TENM4: variants seen among roughly 807,000 people sequenced by gnomAD.
The protein encoded by TENM4 is teneurin-4.
In TENM4, 82 loss-of-function variants were observed where a neutral mutation model predicts 243.3. That is an observed-to-expected ratio of 0.34 (90% CI 0.28 to 0.40). The LOEUF is 0.40. Ranked by LOEUF, TENM4 falls within the 10% of genes least tolerant of loss-of-function variation. The probability of loss-of-function intolerance (pLI) is 1.00; values close to 1 mark genes in which losing one functional copy is unlikely to be tolerated. For missense variants in TENM4, 3,138 were observed against 3,673.3 expected, an observed-to-expected ratio of 0.85 and a Z score of 3.77; for synonymous variants, 1,412 against 1,456.3, an observed-to-expected ratio of 0.97 and a Z score of 0.69.
At chr11:79,132,534 A>C (rs2137165786) in intron 4 of TENM4, among the ~76,000 whole-genome samples, 1 of 152,242 alleles carries the variant, frequency 6.6e-6, no homozygotes. Context: ...CAACAACCAC[A>C]GAATACACAT....
chr11:78,780,875 C>T (rs1453648266), intron 16 of TENM4, among the ~76,000 whole-genome samples: 2 of 152,302 alleles, frequency 1.3e-5, no homozygotes, highest in East Asian at 3.9e-4. Flanking sequence ...ACCATCAGCA[C>T]TGTGAGTTTT....
chr11:79,236,621 T>A (rs1320300915), intron 2 of TENM4, among the ~76,000 whole-genome samples: 1 of 152,190 alleles, frequency 6.6e-6, no homozygotes, highest in Non-Finnish European at 1.5e-5. Context: ...CTTGGCTCAC[T>A]GGACTCTCAT....
intron 1 of TENM4, among the ~76,000 whole-genome samples, chr11:79,435,005 T>G (rs1859243171): frequency 6.6e-6 from 1 of 152,296 alleles, no homozygotes; most frequent in African/African-American, 2.4e-5. Flanking sequence ...GCATTACAAA[T>G]GTCACCGTAG....
At chr11:78,730,776 C>T (rs1018581877) in intron 21 of TENM4, among the ~76,000 whole-genome samples, 1 of 152,124 alleles carries the variant, frequency 6.6e-6, no homozygotes, top group East Asian at 1.9e-4. Context: ...TCATCCTGTC[C>T]ATTTCATAGA....
Position 78,861,979 on chromosome 11 carries a change from C to A in TENM4, c.1255+983G>T, listed in dbSNP as rs1484901920. ...GGGTGCCAATTTTTGTGAGTCTGTG[C>A]CACTCTTGGCTGACAATGTCCATGG... On this transcript the variant is annotated intron_variant, in intron 10 of 33. Coordinates refer to ENST00000278550, the MANE Select transcript of TENM4 (RefSeq NM_001098816.3). 2.6e-5 allele frequency among the ~76,000 whole-genome samples: 4 copies of A among 152,146 alleles called. No individual in the cohort carries two copies. The East Asian group carries it at 5.8e-4, about 22-fold the overall frequency.
chr11:78,893,403 A>G (rs1466352423), intron 7 of TENM4, among the ~76,000 whole-genome samples: 7 of 152,202 alleles, frequency 4.6e-5, no homozygotes, highest in Admixed American at 1.3e-4. Flanking sequence ...TACAAAACCC[A>G]AAGTGTAATT....
At chr11:79,023,865 G>C (rs544491461) in intron 6 of TENM4, among the ~76,000 whole-genome samples, 1 of 152,292 alleles carries the variant, frequency 6.6e-6, no homozygotes, top group South Asian at 2.1e-4. Flanking sequence ...TCCCTGATGT[G>C]GCTTGATAGG....
At chr11:78,825,243 T>C (rs1410791147) in intron 12 of TENM4, among the ~76,000 whole-genome samples, 1 of 152,218 alleles carries the variant, frequency 6.6e-6, no homozygotes, top group East Asian at 1.9e-4. Context: ...AGTCACTGTA[T>C]CTGAGTCTCA....
At chr11:78,894,979 TA>T (rs67819510) in intron 7 of TENM4, among the ~76,000 whole-genome samples, 2,915 of 59,216 alleles carry the variant, frequency 0.049, 124 homozygotes, top group African/African-American at 0.11. Context: ...GACTCGGCCT[TA>T]AAAAAAAAAA....
At chr11:78,662,029 T>G (rs1858044001) in intron 32 of TENM4, among the ~76,000 whole-genome samples, 1 of 151,904 alleles carries the variant, frequency 6.6e-6, no homozygotes, top group South Asian at 2.1e-4. Context: ...AGAAACACAC[T>G]CCCCTGCTCT....
intron 4 of TENM4, among the ~76,000 whole-genome samples, chr11:79,132,718 G>A (rs1430597123): frequency 6.6e-6 from 1 of 152,060 alleles, no homozygotes; most frequent in African/African-American, 2.4e-5. Flanking sequence ...AAAAAACATG[G>A]AAATTAAATA....
intron 12 of TENM4, among the ~76,000 whole-genome samples, chr11:78,847,756 G>T (rs1392008640): frequency 6.6e-6 from 1 of 152,176 alleles, no homozygotes; most frequent in Admixed American, 6.5e-5. Context: ...TAATTCAGAG[G>T]AAGGGGACAT....
intron 4 of TENM4, among the ~76,000 whole-genome samples, chr11:79,142,860 G>C (rs573796668): frequency 1.1e-4 from 16 of 151,952 alleles, no homozygotes; most frequent in African/African-American, 3.9e-4. Flanking sequence ...TACAACAAAG[G>C]TACCAAGAAC....
chr11:79,355,514 C>G (rs928405774), intron 1 of TENM4, among the ~76,000 whole-genome samples: 1 of 105,360 alleles, frequency 9.5e-6, no homozygotes, highest in Non-Finnish European at 2.1e-5. Context: ...GCCTGGGTGA[C>G]AGAGCGAGAC....
At chr11:78,923,692 G>GTTTTTT (rs1856493828) in intron 6 of TENM4, among the ~76,000 whole-genome samples, 1 of 14,296 alleles carries the variant, frequency 7.0e-5, no homozygotes, top group Non-Finnish European at 3.5e-4. Context: ...CATGCACCTG[G>GTTTTTT]CTTTTTTTTT....
At position 78,658,427 on chromosome 11, in the gene TENM4, G is replaced by A. The variant is rs748064001; in HGVS notation, c.7941C>T (p.Val2647=). 1.2e-5 allele frequency: 20 copies of A among 1,613,820 alleles called. No homozygotes were observed. The Admixed American group carries it at 2.3e-4, about 19-fold the overall frequency. ...GTACTGTGTTGATCTGGGACACAGT[G>A]ACGTTGACCCCATTCTCCAGGGTTC... is the stretch of plus-strand genomic sequence containing the variant. ...GRRTLENGVN[V]TVSQINTVLN... Residue 2647 remains valine, a synonymous_variant, in exon 34 of 34, where the codon GTC becomes GTT. Coordinates refer to ENST00000278550, the MANE Select transcript of TENM4 (RefSeq NM_001098816.3).
At chr11:79,023,957 A>T (rs991326097) in intron 6 of TENM4, among the ~76,000 whole-genome samples, 3 of 152,218 alleles carry the variant, frequency 2.0e-5, no homozygotes, top group Non-Finnish European at 4.4e-5. Context: ...AACATTAAGC[A>T]TTGCTAGAAC....
intron 6 of TENM4, among the ~76,000 whole-genome samples, chr11:79,048,414 C>G (rs933646408): frequency 2.6e-5 from 4 of 152,148 alleles, no homozygotes; most frequent in African/African-American, 9.7e-5. Flanking sequence ...GATACCCCGG[C>G]AGAAGATTGC....
At chr11:79,349,967 G>T (rs931571877) in intron 1 of TENM4, among the ~76,000 whole-genome samples, 7 of 152,138 alleles carry the variant, frequency 4.6e-5, no homozygotes, top group African/African-American at 1.4e-4. Flanking sequence ...AGAGTGCGTG[G>T]AGATCAAGTT....
Sources: allele counts gnomAD v4.1 joint callset (sites outside exome capture counted in the v4.1 genomes callset), GRCh38; gene constraint gnomAD v4.1.1; transcripts MANE v1.5; gene names NCBI Gene and HGNC (gene_info 2026-07-23, HGNC 2026-07-21).